Variants in TAB2 observed in about 807,000 individuals in gnomAD.
TAB2 encodes TGF-beta activated kinase 1 (MAP3K7) binding protein 2.
In TAB2, 3 loss-of-function variants were observed where a neutral mutation model predicts 65.0. That is an observed-to-expected ratio of 0.05 (90% CI 0.02 to 0.12). The LOEUF is 0.12. TAB2 is among the 10% of genes least tolerant of loss of function. The pLI, the probability that TAB2 is intolerant of heterozygous loss-of-function variation, is 1.00. For synonymous variants in TAB2, 298 were observed against 285.1 expected (o/e 1.05, Z -0.46); for missense variants, 623 against 840.3 (o/e 0.74, Z 3.20).
At chr6:149,232,783 G>A (rs1562381577) in intron 1 of TAB2, among the ~76,000 whole-genome samples, 2 of 152,106 alleles carry the variant, frequency 1.3e-5, no homozygotes, top group Non-Finnish European at 1.5e-5. Flanking sequence ...TTTCAGATGA[G>A]GAAACTGAGG....
At chr6:149,269,386 T>G (rs1778320436) in intron 1 of TAB2, among the ~76,000 whole-genome samples, 1 of 152,330 alleles carries the variant, frequency 6.6e-6, no homozygotes, top group Non-Finnish European at 1.5e-5. Flanking sequence ...TTGAATACTT[T>G]TATTAAAAAT....
At chr6:149,405,788 A>G (rs554740255) in intron 6 of TAB2, among the ~76,000 whole-genome samples, 4 of 152,176 alleles carry the variant, frequency 2.6e-5, no homozygotes, top group African/African-American at 9.7e-5. Context: ...CAGAGTTTCA[A>G]CTATATAAGA....
chr6:149,375,110 C>A (rs1459113932), intron 2 of TAB2, among the ~76,000 whole-genome samples: 1 of 152,118 alleles, frequency 6.6e-6, no homozygotes, highest in Non-Finnish European at 1.5e-5. Context: ...AGTCCTGTCT[C>A]TTACAGTACA....
chr6:149,276,406 C>T (rs1778475843), intron 1 of TAB2, among the ~76,000 whole-genome samples: 2 of 152,262 alleles, frequency 1.3e-5, no homozygotes, highest in South Asian at 2.1e-4. Flanking sequence ...AGCGATGAGA[C>T]ATTGTACTCA....
At chr6:149,268,122 C>A (rs115728411) in intron 1 of TAB2, among the ~76,000 whole-genome samples, 2,225 of 152,222 alleles carry the variant, frequency 0.015, 65 homozygotes, top group African/African-American at 0.051. Context: ...AGTGGCTTAA[C>A]CATGAAGGCA....
At chr6:149,273,954 T>C (rs552594118) in intron 1 of TAB2, among the ~76,000 whole-genome samples, 2 of 152,326 alleles carry the variant, frequency 1.3e-5, no homozygotes, top group East Asian at 3.9e-4. Flanking sequence ...AAAAATCTGC[T>C]GCTACTTAGT....
intron 1 of TAB2, among the ~76,000 whole-genome samples, chr6:149,229,393 C>CGTGTGTGT (rs10553494): frequency 8.0e-5 from 12 of 149,076 alleles, no homozygotes; most frequent in African/African-American, 2.0e-4. Context: ...CCTTTAAAGA[C>CGTGTGTGT]GTGTGTGTGT....
chr6:149,396,763 T>C (rs1487203004), intron 3 of TAB2, among the ~76,000 whole-genome samples: 1 of 152,252 alleles, frequency 6.6e-6, no homozygotes, highest in East Asian at 1.9e-4. Context: ...CAAAATATAA[T>C]CTGAATATAC....
At chr6:149,393,836 A>G (rs1370505135) in intron 3 of TAB2, among the ~76,000 whole-genome samples, 1 of 149,274 alleles carries the variant, frequency 6.7e-6, no homozygotes, top group Non-Finnish European at 1.5e-5. Flanking sequence ...TTTTGCCCTA[A>G]AGTCAGATTT....
Position 149,379,476 on chromosome 6 carries a change from C to A in TAB2, c.1561C>A (p.Arg521=), listed in dbSNP as rs139321603. 2.5e-6 allele frequency: 4 copies of A among 1,613,900 alleles called. No individual in the cohort carries two copies. The African/African-American group carries it at 4.0e-5, about 16-fold the overall frequency. ...LAHVDRISET[R]KLSMGSDDAA... ...ACATGTGGATAGAATAAGTGAAACA[C>A]GGAAACTGAGTATGGGATCTGATGA... is the stretch of plus-strand genomic sequence containing the variant. The change falls in exon 3 of 7, where the codon CGG becomes AGG. Residue 521 remains arginine, a synonymous_variant. Transcript: ENST00000637181.
At position 149,248,418 on chromosome 6, in the gene TAB2, A is replaced by G. The variant is rs939059994; in HGVS notation, c.-121+29642A>G. 1.1e-4 allele frequency among the ~76,000 whole-genome samples: 14 copies of G among 126,108 alleles called. No individual in the cohort carries two copies. The Admixed American group carries it at 1.2e-3, about 10-fold the overall frequency. 82.7% of individuals were successfully genotyped at this position (126,108 alleles called of 152,430 possible). A position where few individuals can be genotyped will look rare whatever the true frequency, so the allele number is the denominator to read the frequency against. On this transcript the variant is annotated intron_variant, in intron 1 of 1. Coordinates refer to the TAB2 transcript ENST00000606202. ...AAAAGAGAGAGACAGAGAGGGAAAGAAAAAGAAAGAAAGGAAGGAAGGAAG... is the reference window on the plus strand; with the variant it reads ...AAAAGAGAGAGACAGAGAGGGAAAGGAAAAGAAAGAAAGGAAGGAAGGAAG...
At chr6:149,311,944 T>A (rs972118456) in intron 1 of TAB2, among the ~76,000 whole-genome samples, 1 of 152,364 alleles carries the variant, frequency 6.6e-6, no homozygotes, top group South Asian at 2.1e-4. Context: ...TATGACAGAT[T>A]GTAAATAATT....
intron 1 of TAB2, among the ~76,000 whole-genome samples, chr6:149,222,431 A>G (rs1777167792): frequency 1.3e-5 from 2 of 152,116 alleles, no homozygotes; most frequent in Admixed American, 6.5e-5. Flanking sequence ...CAGCCTGGCC[A>G]ACATGGTGAA....
At chr6:149,239,933 A>G (rs942284449) in intron 1 of TAB2, among the ~76,000 whole-genome samples, 1 of 152,158 alleles carries the variant, frequency 6.6e-6, no homozygotes, top group African/African-American at 2.4e-5. Flanking sequence ...AGTCTATTCA[A>G]ATTCTCAGTC....
intron 1 of TAB2, among the ~76,000 whole-genome samples, chr6:149,224,125 C>T (rs1222290415): frequency 6.6e-6 from 1 of 152,158 alleles, no homozygotes; most frequent in East Asian, 1.9e-4. Context: ...TATGCCTGGA[C>T]AGTTCTCAGT....
In TAB2 at chr6:149,317,950, C is replaced by A; in HGVS notation, c.-155C>A. On this transcript the variant is annotated 5_prime_UTR_variant, in exon 1 of 7. Transcript: ENST00000637181. The surrounding 1 kb of genome is among the most constrained non-coding windows in gnomAD (Gnocchi z 4.7). ...GCGGAGGCGACGGTGGAGACGGCTG[C>A]CCTAGTGGGAGAGGCGGCGGCGGCG... The A allele has an allele frequency of 5.9e-6, 1 of 169,406 alleles. No homozygotes were observed. Among genetic ancestry groups the A allele is most frequent in the Non-Finnish European group, 1.2e-5 (1 of 83,056 alleles). 10.5% of individuals were successfully genotyped at this position (169,406 alleles called of 1,614,324 possible). A position where few individuals can be genotyped will look rare whatever the true frequency, so the allele number is the denominator to read the frequency against.
intron 1 of TAB2, among the ~76,000 whole-genome samples, chr6:149,355,735 GAA>G (rs1157945296): frequency 1.3e-5 from 2 of 151,426 alleles, no homozygotes; most frequent in African/African-American, 2.4e-5. Flanking sequence ...TCCTAAGAGA[GAA>G]AGGTACTGCT....
chr6:149,255,314 T>A (rs573368795), intron 1 of TAB2: 1 of 152,406 alleles, frequency 6.6e-6, no homozygotes. Flanking sequence ...GCCTGCATCT[T>A]GATCTTGAAC....
upstream of TAB2, among the ~76,000 whole-genome samples, chr6:149,316,598 A>G (rs951324828): frequency 6.6e-6 from 1 of 151,836 alleles, no homozygotes; most frequent in African/African-American, 2.4e-5. Flanking sequence ...AATATTTCAC[A>G]TTGTGAGAAA....
Sources: allele counts gnomAD v4.1 joint callset (sites outside exome capture counted in the v4.1 genomes callset), GRCh38; gene constraint gnomAD v4.1.1; non-coding constraint Gnocchi (gnomAD v3.1); transcripts MANE v1.5; gene names NCBI Gene and HGNC (gene_info 2026-07-23, HGNC 2026-07-21).